FRMPD2: variants seen among roughly 807,000 people sequenced by gnomAD.
FRMPD2 encodes the protein FERM and PDZ domain containing 2.
Under a neutral mutation model 140.1 loss-of-function variants are expected in FRMPD2, and 96 were observed. That is an observed-to-expected ratio of 0.69 (90% confidence interval 0.58 to 0.81). The LOEUF (loss-of-function observed/expected upper bound fraction) is 0.81, where lower values mean the gene tolerates loss of function less well. Ranked by LOEUF, FRMPD2 falls within the 40% of genes least tolerant of loss-of-function variation. The pLI, the probability that FRMPD2 is intolerant of heterozygous loss-of-function variation, is 0.00. For synonymous variants in FRMPD2, 449 were observed against 547.6 expected, an observed-to-expected ratio of 0.82 and a Z score of 2.52; for missense variants, 1,240 against 1,447.4, an observed-to-expected ratio of 0.86 and a Z score of 2.32.
At chr10:48,211,116 C>T (rs1839311445) in intron 13 of FRMPD2, among the ~76,000 whole-genome samples, 2 of 152,240 alleles carry the variant, frequency 1.3e-5, no homozygotes, top group African/African-American at 2.4e-5. Flanking sequence ...GACCGCAGTC[C>T]TCCCCACAAG....
At chr10:48,251,793 A>G (rs1163696448) in intron 1 of FRMPD2, 102 bp from the exon 2 acceptor site, 1 of 1,374,802 alleles carries the variant, frequency 7.3e-7, no homozygotes, top group Non-Finnish European at 1.0e-6. Context: ...TCTGGCCACT[A>G]CTGCACACCG....
chr10:48,236,361 G>A (rs1839967546), intron 9 of FRMPD2, 121 bp downstream of exon 9: 1 of 812,554 alleles, frequency 1.2e-6, no homozygotes, highest in African/African-American at 1.7e-5. Context: ...AGAGGTCTGG[G>A]GGAAACTGAA....
Position 48,219,901 on chromosome 10 carries a change from G to A in FRMPD2, c.1455+2412C>T, listed in dbSNP as rs17836131. Among the ~76,000 whole-genome samples the A allele has an allele frequency of 3.2e-4, 49 of 152,228 alleles. No individual in the cohort carries two copies. In the East Asian group the frequency reaches 4.4e-3, roughly 14 times the overall value. On this transcript the variant is annotated intron_variant, in intron 12 of 28. Coordinates refer to ENST00000374201, the MANE Select transcript of FRMPD2 (RefSeq NM_001018071.4). ...GTGTATCCCAGAAAAATCAGTATTGGCCTTGGAGTAACACGTCTGGGCTCA... is the reference window on the plus strand; with the variant it reads ...GTGTATCCCAGAAAAATCAGTATTGACCTTGGAGTAACACGTCTGGGCTCA...
chr10:48,185,260 T>C (rs11101250), intron 18 of FRMPD2, among the ~76,000 whole-genome samples: 5,139 of 152,296 alleles, frequency 0.034, 304 homozygotes, highest in African/African-American at 0.12. Flanking sequence ...ATAAATTGAC[T>C]CTTCTTCCCC....
intron 4 of FRMPD2, among the ~76,000 whole-genome samples, chr10:48,243,033 A>G (rs994234072): frequency 5.3e-5 from 8 of 152,222 alleles, no homozygotes; most frequent in African/African-American, 1.9e-4. Flanking sequence ...CTTTCCAGAT[A>G]AAGGCTGCAC....
chr10:48,204,487 A>C (rs190293719), intron 14 of FRMPD2, among the ~76,000 whole-genome samples: 215 of 152,344 alleles, frequency 1.4e-3, no homozygotes, highest in African/African-American at 5.0e-3. Context: ...ACTAAACTAT[A>C]TTTCTATCCT....
intron 14 of FRMPD2, 119 bp from the exon 15 acceptor site, chr10:48,201,503 G>T: frequency 6.6e-6 from 5 of 752,540 alleles, no homozygotes. Context: ...ATCCACGGGT[G>T]CATGGCAGAT....
rs561333986 is a variant in FRMPD2, at chr10:48,174,762, G to T, written c.3075+108C>A. 7.4e-6 allele frequency: 7 copies of T among 945,406 alleles called. No homozygotes were observed. The African/African-American group carries it at 8.1e-5, about 11-fold the overall frequency. 58.6% of individuals were successfully genotyped at this position (945,406 alleles called of 1,614,324 possible). On this transcript the variant is annotated intron_variant, in intron 24 of 28. Transcript: ENST00000374201. Reference sequence around the variant, plus strand: ...GAAAAAAAAAACTAACAAAGAAAAAGTCTTGTTTCTTGCCTGCCTCCCTCC... The same window carrying T: ...GAAAAAAAAAACTAACAAAGAAAAATTCTTGTTTCTTGCCTGCCTCCCTCC...
In FRMPD2 at chr10:48,232,185, A is replaced by G. The variant is rs969245617; in HGVS notation, c.1098T>C (p.Ala366=). The G allele has an allele frequency of 1.9e-6, 3 of 1,614,074 alleles. No homozygotes were observed. Among genetic ancestry groups the G allele is most frequent in the Non-Finnish European group, 2.5e-6 (3 of 1,180,028 alleles). Residue 366 remains alanine, a synonymous_variant, in exon 10 of 29, where the codon GCT becomes GCC. Transcript: ENST00000374201. ...CAAAGGATGTCACGGCATTGAAGAC[A>G]GCTCCCACTGTTGATTCAACATCAC... The part of the protein sequence containing the change: ...VKCDVESTVG[A]VFNAVTSFAN...
intron 16 of FRMPD2, among the ~76,000 whole-genome samples, chr10:48,190,170 C>T (rs1162612107): frequency 6.6e-6 from 1 of 152,186 alleles, no homozygotes. Flanking sequence ...TTTGGCCCAC[C>T]TCAGACTTCA....
At chr10:48,205,349 C>G (rs950206462) in intron 14 of FRMPD2, among the ~76,000 whole-genome samples, 1 of 152,120 alleles carries the variant, frequency 6.6e-6, no homozygotes, top group Non-Finnish European at 1.5e-5. Flanking sequence ...CAAGAAATCC[C>G]CTGGTGGGGG....
At chr10:48,264,022 C>T (rs564853253) in intron 1 of FRMPD2, among the ~76,000 whole-genome samples, 1 of 151,954 alleles carries the variant, frequency 6.6e-6, no homozygotes, top group Non-Finnish European at 1.5e-5. Flanking sequence ...CTTTCATGGA[C>T]TAAAGAGAAA....
chr10:48,264,106 C>T (rs1564443997), intron 1 of FRMPD2, among the ~76,000 whole-genome samples: 1 of 151,716 alleles, frequency 6.6e-6, no homozygotes, highest in Non-Finnish European at 1.5e-5. Flanking sequence ...ATTAAAAACT[C>T]TCTGTTAACC....
At chr10:48,244,881 C>A in intron 3 of FRMPD2, 32 bp from the exon 4 acceptor site, 1 of 1,446,652 alleles carries the variant, frequency 6.9e-7, no homozygotes, top group Non-Finnish European at 9.7e-7. Context: ...GATTAGATTT[C>A]AATCATCTCT....
intron 13 of FRMPD2, among the ~76,000 whole-genome samples, chr10:48,211,684 C>CA (rs998673707): frequency 6.6e-6 from 1 of 151,768 alleles, no homozygotes; most frequent in African/African-American, 2.4e-5. Flanking sequence ...GACTCCATCT[C>CA]AAAAAAATAA....
chr10:48,250,644 G>A (rs1344847269), intron 2 of FRMPD2, among the ~76,000 whole-genome samples: 3 of 152,172 alleles, frequency 2.0e-5, no homozygotes, highest in Admixed American at 6.5e-5. Flanking sequence ...TTGACCTCAG[G>A]TGATCCACCC....
intron 1 of FRMPD2, among the ~76,000 whole-genome samples, chr10:48,258,966 GT>G (rs1339970615): frequency 1.3e-5 from 2 of 152,210 alleles, no homozygotes; most frequent in Non-Finnish European, 2.9e-5. Context: ...GAAGCAATTA[GT>G]TTTAGAAACA....
At chr10:48,161,552 A>G (rs1275738694) in intron 28 of FRMPD2, among the ~76,000 whole-genome samples, 3 of 151,780 alleles carry the variant, frequency 2.0e-5, no homozygotes, top group Admixed American at 6.6e-5. Context: ...GCCATGCTGT[A>G]TGCAAAATGT....
At chr10:48,194,324 G>A (rs777860521) in intron 15 of FRMPD2, among the ~76,000 whole-genome samples, 3 of 152,166 alleles carry the variant, frequency 2.0e-5, no homozygotes, top group Non-Finnish European at 4.4e-5. Flanking sequence ...ACTCAAATCT[G>A]CAGACTCCAC....
Sources: gnomAD v4.1 joint callset for allele counts (sites outside exome capture counted in the v4.1 genomes callset) on GRCh38, gnomAD v4.1.1 for gene constraint, MANE v1.5 for transcripts, NCBI Gene and HGNC (gene_info 2026-07-23, HGNC 2026-07-21) for gene names.